Variants in PRR14 observed in about 807,000 individuals in gnomAD.
The protein encoded by PRR14 is proline-rich protein 14.
In PRR14, 33 loss-of-function variants were observed where a neutral mutation model predicts 57.2. The ratio of observed to expected loss-of-function variants is 0.58; its 90% CI spans 0.44 to 0.77. PRR14 has a LOEUF of 0.77. PRR14 is among the 30% of genes least tolerant of loss of function. The probability of loss-of-function intolerance (pLI) is 0.00; values close to 1 mark genes in which losing one functional copy is unlikely to be tolerated. For missense variants in PRR14, 716 were observed against 788.1 expected, an observed-to-expected ratio of 0.91 and a Z score of 1.10; for synonymous variants, 303 against 314.7, an observed-to-expected ratio of 0.96 and a Z score of 0.39.
At position 30,651,817 on chromosome 16, in the gene PRR14, G is replaced by C; in HGVS notation, c.45G>C (p.Leu15=). 3 of 1,606,584 alleles carry C rather than the reference G, an allele frequency of 1.9e-6. No homozygotes were observed. The South Asian group carries it at 3.3e-5, about 18-fold the overall frequency. ...GDSSPPGQPR[L]CRQPLTRALW... The stretch of plus-strand genomic sequence containing the variant: ...CCAGCCCGCCTGGCCAGCCGCGTCT[G>C]TGCCGCCAGCCTCTGACTCGAGCAT... Residue 15 remains leucine (L), a synonymous_variant, in exon 3 of 12, where the codon CTG becomes CTC. Coordinates refer to ENST00000300835, the MANE Select transcript of PRR14 (RefSeq NM_024031.5). The surrounding 1 kb of genome is among the most constrained non-coding windows in gnomAD (Gnocchi z 5.0).
chr16:30,650,947 G>A (rs2052305098), upstream of PRR14: 2 of 441,974 alleles, frequency 4.5e-6, no homozygotes, highest in Non-Finnish European at 9.3e-6. Flanking sequence ...GGCGTCTGTG[G>A]GCGGGACCTC....
rs776123500 is a variant in PRR14 at position 30,651,797 on chromosome 16, C to T, written c.25C>T (p.Pro9Ser). MDLPGDSS[P>S]PGQPRLCRQP... The stretch of plus-strand genomic sequence containing the variant: ...TCCTCTGCTTCTTTCACCCTCCAGC[C>T]CGCCTGGCCAGCCGCGTCTGTGCCG... Residue 9 changes from proline to serine, a missense_variant and splice_region_variant, in exon 3 of 12, where the codon CCG (proline) becomes TCG (serine). Pro to Ser is a moderately conservative substitution (Grantham distance 74). Transcript: ENST00000300835. The surrounding 1 kb of genome is among the most constrained non-coding windows in gnomAD (Gnocchi z 5.0). 6.2e-7 allele frequency: 1 copy of T among 1,606,536 alleles called. No homozygotes were observed. Among genetic ancestry groups the T allele is most frequent in the Non-Finnish European group, 8.5e-7 (1 of 1,179,846 alleles).
chr16:30,652,693 T>C, intron 3 of PRR14, 28 bp from the exon 4 acceptor site: 1 of 1,614,120 alleles, frequency 6.2e-7, no homozygotes, highest in Non-Finnish European at 8.5e-7. Flanking sequence ...TTCTATCACC[T>C]TGCTCTTGAC....
In PRR14 at chr16:30,654,936, T is replaced by C; in HGVS notation, c.966T>C (p.Leu322=). The stretch of plus-strand genomic sequence containing the variant: ...CTCAGGACCACAATACCCCAGCACT[T>C]CTCCCTAAGCCCTCTCTGGGCCGAA... ...WRTQDHNTPA[L]LPKPSLGRSY... Residue 322 remains leucine, a synonymous_variant, in exon 8 of 12, where the codon CTT becomes CTC. Transcript: ENST00000300835. 1 of 1,612,626 alleles carries C rather than the reference T, an allele frequency of 6.2e-7. No homozygotes were observed. The highest frequency in any genetic ancestry group is 8.5e-7 in the Non-Finnish European group (1 of 1,179,996).
At chr16:30,652,504 G>T in intron 3 of PRR14, 1 of 628,070 alleles carries the variant, frequency 1.6e-6, no homozygotes, top group East Asian at 2.7e-5. Context: ...TCTCTAAACA[G>T]CGTGGATGAG....
In PRR14 at chr16:30,652,479, C is replaced by A. The variant is rs1165794192; in HGVS notation, c.193-242C>A. 3.8e-5 allele frequency: 23 copies of A among 608,100 alleles called. No homozygotes were observed. The East Asian group carries it at 6.5e-4, about 17-fold the overall frequency. The allele number at this position is 608,100 out of a possible 1,614,324, so 37.7% of individuals were successfully genotyped here. ...AAGGCAGTGACCCACCCTAGCTCAC[C>A]CTGTCTTTTTCATTTCTCTAAACAG... On this transcript the variant is annotated intron_variant, in intron 3 of 11. Transcript: ENST00000300835.
At chr16:30,652,275 G>A (rs1319635756) in intron 3 of PRR14, 1 of 586,324 alleles carries the variant, frequency 1.7e-6, no homozygotes, top group Non-Finnish European at 3.2e-6. Flanking sequence ...TGTTGCACAA[G>A]CTGGTCTCAA....
At position 30,656,095 on chromosome 16, in the gene PRR14, A is replaced by G. The variant is rs539291489; in HGVS notation, c.1542A>G (p.Ser514=). The stretch of plus-strand genomic sequence containing the variant: ...ATGGGACTCTGATTTTCACCAGCTC[A>G]AGGAAGCTCCGGCGGGCTGTGGAAT... ...ERNGTLIFTS[S]RKLRRAVEFR... is the part of the protein sequence containing the mutation. The change falls in exon 12 of 12, where the codon TCA becomes TCG. Residue 514 remains serine, a synonymous_variant. Coordinates refer to ENST00000300835, the MANE Select transcript of PRR14 (RefSeq NM_024031.5). The G allele has an allele frequency of 4.5e-6, 7 of 1,560,554 alleles. No homozygotes were observed. In the African/African-American group the frequency reaches 5.5e-5, roughly 12 times the overall value.
Position 30,654,675 on chromosome 16 carries a change from C to T in PRR14, c.705C>T (p.Ser235=). 6.2e-7 allele frequency: 1 copy of T among 1,613,248 alleles called. No individual in the cohort carries two copies. Among genetic ancestry groups the T allele is most frequent in the Non-Finnish European group, 8.5e-7 (1 of 1,179,588 alleles). ...LELPSTPPPS[S]LLRPRLSPWG... is the part of the protein sequence containing the mutation. ...TCCCATCCACCCCACCACCGTCCAG[C>T]CTTTTACGCCCCCGCCTCAGTCCCT... is the stretch of plus-strand genomic sequence containing the variant. The change falls in exon 8 of 12, where the codon AGC becomes AGT. Residue 235 remains serine (S), a synonymous_variant. Transcript: ENST00000300835.
chr16:30,652,721 G>T lies in PRR14; in HGVS notation c.193G>T (p.Val65Phe). 1 of 1,614,036 alleles carries T rather than the reference G, an allele frequency of 6.2e-7. No individual in the cohort carries two copies. The highest frequency in any genetic ancestry group is 8.5e-7 in the Non-Finnish European group (1 of 1,180,016). ...CTCTTGACACCTCTTTCTCTTCCAG[G>T]TCCCCGTGGTGCCCTCAAAGCAGAC... The part of the protein sequence containing the change: ...VLEDVMAVHM[V>F]PVVPSKQTSI... Residue 65 changes from valine to phenylalanine, a missense_variant and splice_region_variant, in exon 4 of 12, where the codon GTC becomes TTC. Val to Phe is a conservative substitution (Grantham distance 50). Coordinates refer to ENST00000300835, the MANE Select transcript of PRR14 (RefSeq NM_024031.5).
intron 3 of PRR14, chr16:30,652,329 G>C: frequency 1.8e-6 from 1 of 569,156 alleles, no homozygotes; most frequent in Non-Finnish European, 3.3e-6. Context: ...CCAAAGTATT[G>C]GGATTACAGG....
At position 30,650,988 on chromosome 16, in the gene PRR14, G is replaced by A. The variant is rs1384007162; in HGVS notation, c.-190G>A. 2.2e-6 allele frequency: 1 copy of A among 455,874 alleles called. No individual in the cohort carries two copies. The highest frequency in any genetic ancestry group is 4.4e-6 in the Non-Finnish European group (1 of 226,276). The allele number at this position is 455,874 out of a possible 1,614,324, so 28.2% of individuals were successfully genotyped here. The stretch of plus-strand genomic sequence containing the variant: ...ATTGGAGTGAAGAGGGTATCTGCTT[G>A]ACAGTGGATCCCTGGGGATCTACGC... On this transcript the variant is annotated 5_prime_UTR_variant, in exon 1 of 12. Transcript: ENST00000300835.
Position 30,655,183 on chromosome 16 carries a change from T to C in PRR14, c.1213T>C (p.Ser405Pro). The C allele has an allele frequency of 1.3e-6, 2 of 1,598,042 alleles. No homozygotes were observed. The highest frequency in any genetic ancestry group is 8.5e-7 in the Non-Finnish European group (1 of 1,171,128). Reference sequence around the variant, plus strand: ...CACCACATCTTGCTCGTCCACGGCATCCACTTCCTTCTCCGAACCAGCAGA... The same window carrying C: ...CACCACATCTTGCTCGTCCACGGCACCCACTTCCTTCTCCGAACCAGCAGA... Reference protein sequence around the residue: ...SLTTSCSSTASTSFSEPAEPR... With the variant: ...SLTTSCSSTAPTSFSEPAEPR... The change falls in exon 8 of 12, where the codon TCC becomes CCC. Residue 405 changes from serine to proline, a missense_variant. Physicochemically the swap from Ser to Pro is moderately conservative, Grantham distance 74. Coordinates refer to ENST00000300835, the MANE Select transcript of PRR14 (RefSeq NM_024031.5). This position sits in a 1 kb window ranked among gnomAD's most constrained non-coding sequence, Gnocchi z 4.6.
In PRR14 at chr16:30,651,850, A is replaced by T. The variant is rs1039323997; in HGVS notation, c.78A>T (p.Gly26=). ...CRQPLTRALW[G]ARSPKRPRLQ... ...AGCCTCTGACTCGAGCATTATGGGG[A>T]GCCAGGAGCCCGAAACGGCCGAGGC... is the stretch of plus-strand genomic sequence containing the variant. The change falls in exon 3 of 12, where the codon GGA becomes GGT. Residue 26 remains glycine (G), a synonymous_variant. Transcript: ENST00000300835. The surrounding 1 kb of genome is among the most constrained non-coding windows in gnomAD (Gnocchi z 5.0). The T allele has an allele frequency of 6.2e-7, 1 of 1,606,520 alleles. No homozygotes were observed. The highest frequency in any genetic ancestry group is 1.3e-5 in the African/African-American group (1 of 74,748).
chr16:30,650,908 C>A (rs758746838), upstream of PRR14: 28 of 425,776 alleles, frequency 6.6e-5, no homozygotes, highest in South Asian at 4.3e-4. Context: ...CCGGGGGAGA[C>A]CGCTGGGCGG....
In PRR14 at chr16:30,655,549, T is replaced by C. The variant is rs1396662386; in HGVS notation, c.1362T>C (p.Arg454=). The change falls in exon 10 of 12, where the codon CGT becomes CGC. Residue 454 remains arginine, a synonymous_variant. Coordinates refer to ENST00000300835, the MANE Select transcript of PRR14 (RefSeq NM_024031.5). This position sits in a 1 kb window ranked among gnomAD's most constrained non-coding sequence, Gnocchi z 4.6. Reference sequence around the variant, plus strand: ...TCAGAATACGCAGAACACCAGCCCGTCCTCAGCTAAACCTTACACCAATGG... The same window carrying C: ...TCAGAATACGCAGAACACCAGCCCGCCCTCAGCTAAACCTTACACCAATGG... ...SRFRIRRTPA[R]PQLNLTPMGL... is the part of the protein sequence containing the mutation. 6.2e-7 allele frequency: 1 copy of C among 1,614,068 alleles called. No individual in the cohort carries two copies. Among genetic ancestry groups the C allele is most frequent in the East Asian group, 2.2e-5 (1 of 44,894 alleles).
Position 30,651,979 on chromosome 16 carries a change from C to G in PRR14, c.192+15C>G. 1 of 1,522,930 alleles carries G rather than the reference C, an allele frequency of 6.6e-7. No homozygotes were observed. The highest frequency in any genetic ancestry group is 2.2e-5 in the Admixed American group (1 of 44,914). The allele number at this position is 1,522,930 out of a possible 1,614,324, so 94.3% of individuals were successfully genotyped here. On this transcript the variant is annotated intron_variant, in intron 3 of 11. Coordinates refer to ENST00000300835, the MANE Select transcript of PRR14 (RefSeq NM_024031.5). The surrounding 1 kb of genome is among the most constrained non-coding windows in gnomAD (Gnocchi z 5.0). ...CTGTTCACATGGTGAGCCCCCTGAA[C>G]CAAGAGACTCTCTATTCCCCCATGA...
chr16:30,651,871 G>A lies in PRR14; in HGVS notation c.99G>A (p.Pro33=), dbSNP rs2052316873. Residue 33 remains proline (P), a synonymous_variant, in exon 3 of 12, where the codon CCG becomes CCA. Transcript: ENST00000300835. This position sits in a 1 kb window ranked among gnomAD's most constrained non-coding sequence, Gnocchi z 5.0. ...ALWGARSPKR[P]RLQLPGAPSP... ...GGGGAGCCAGGAGCCCGAAACGGCC[G>A]AGGCTGCAGCTCCCGGGGGCCCCTT... The A allele has an allele frequency of 1.9e-6, 3 of 1,607,422 alleles. No individual in the cohort carries two copies. The highest frequency in any genetic ancestry group is 1.7e-5 in the Admixed American group (1 of 59,770).
At chr16:30,654,129 A>G (rs1174104683) in intron 6 of PRR14, 101 bp from the exon 7 acceptor site, 3 of 165,426 alleles carry the variant, frequency 1.8e-5, no homozygotes, top group Non-Finnish European at 3.4e-5. Context: ...GCTCTGTCTC[A>G]AAAAAAAAAA....
Sources: gnomAD v4.1 joint callset for allele counts on GRCh38, gnomAD v4.1.1 for gene constraint, Gnocchi (gnomAD v3.1) non-coding constraint, MANE v1.5 for transcripts, NCBI Gene and HGNC (gene_info 2026-07-23, HGNC 2026-07-21) for gene names.